GRID2: variants seen among roughly 807,000 people sequenced by gnomAD.
GRID2 encodes glutamate receptor ionotropic, delta-2.
A neutral mutation model predicts 114.8 loss-of-function variants in GRID2; 33 were observed. That is an observed-to-expected ratio of 0.29 (90% CI 0.22 to 0.38). GRID2 has a LOEUF of 0.38. Ranked by LOEUF, GRID2 falls within the 10% of genes least tolerant of loss-of-function variation. The pLI, the probability that GRID2 is intolerant of heterozygous loss-of-function variation, is 1.00. For missense variants in GRID2, 1,184 were observed against 1,257.7 expected (o/e 0.94, Z 0.89); for synonymous variants, 505 against 449.9 (o/e 1.12, Z -1.55).
chr4:92,944,994 G>T (rs1560730606), intron 2 of GRID2, among the ~76,000 whole-genome samples: 3 of 152,200 alleles, frequency 2.0e-5, no homozygotes, highest in South Asian at 4.1e-4. Flanking sequence ...TGAAACCTGT[G>T]AATAATTGCT....
intron 2 of GRID2, among the ~76,000 whole-genome samples, chr4:93,078,267 A>G (rs753683265): frequency 1.3e-5 from 2 of 152,232 alleles, no homozygotes; most frequent in East Asian, 1.9e-4. Flanking sequence ...TTGCAGCTCT[A>G]TAGTCACTTC....
intron 2 of GRID2, among the ~76,000 whole-genome samples, chr4:93,053,620 G>T (rs1355616043): frequency 6.6e-6 from 1 of 151,952 alleles, no homozygotes; most frequent in South Asian, 2.1e-4. Context: ...AGAAAAATTG[G>T]TGTTAAGAGT....
At chr4:92,793,803 A>G (rs1474338052) in intron 2 of GRID2, among the ~76,000 whole-genome samples, 1 of 151,904 alleles carries the variant, frequency 6.6e-6, no homozygotes, top group East Asian at 1.9e-4. Flanking sequence ...ATGAAAGGAC[A>G]GAACACAAAC....
chr4:92,540,226 A>G (rs1312094742), intron 1 of GRID2, among the ~76,000 whole-genome samples: 1 of 152,206 alleles, frequency 6.6e-6, no homozygotes, highest in Admixed American at 6.5e-5. Flanking sequence ...CATTCAGGAC[A>G]TAGGCATAGG....
intron 14 of GRID2, among the ~76,000 whole-genome samples, chr4:93,680,054 G>C (rs1338847009): frequency 6.6e-6 from 1 of 151,140 alleles, no homozygotes; most frequent in Non-Finnish European, 1.5e-5. Context: ...GAAAAAAAGA[G>C]AGAAGAATCA....
intron 2 of GRID2, among the ~76,000 whole-genome samples, chr4:92,979,205 A>G (rs955532881): frequency 1.3e-5 from 2 of 152,056 alleles, no homozygotes; most frequent in Admixed American, 1.3e-4. Flanking sequence ...ATATGTCATT[A>G]TTAATTGAAT....
At chr4:93,072,643 T>A (rs939647905) in intron 2 of GRID2, among the ~76,000 whole-genome samples, 1 of 151,450 alleles carries the variant, frequency 6.6e-6, no homozygotes, top group Non-Finnish European at 1.5e-5. Flanking sequence ...CTTGGAGGTT[T>A]GCAACTATTT....
intron 2 of GRID2, among the ~76,000 whole-genome samples, chr4:92,667,947 G>A (rs1208889457): frequency 1.3e-5 from 2 of 151,720 alleles, no homozygotes; most frequent in African/African-American, 2.4e-5. Flanking sequence ...TTTTCTAAAT[G>A]TACTCCTTGT....
intron 2 of GRID2, among the ~76,000 whole-genome samples, chr4:92,922,263 G>C (rs937439943): frequency 1.3e-5 from 2 of 152,158 alleles, no homozygotes; most frequent in South Asian, 2.1e-4. Context: ...CTTTGACTAG[G>C]AAAGGGAATT....
chr4:93,743,449 A>G (rs1002212996), intron 14 of GRID2, among the ~76,000 whole-genome samples: 8 of 152,214 alleles, frequency 5.3e-5, no homozygotes, highest in African/African-American at 1.9e-4. Flanking sequence ...TTGCTTTGCT[A>G]TAAAGAAATA....
chr4:93,554,540 G>A (rs1734115140), intron 13 of GRID2, among the ~76,000 whole-genome samples: 1 of 151,988 alleles, frequency 6.6e-6, no homozygotes, highest in Non-Finnish European at 1.5e-5. Context: ...ATGAAATCAG[G>A]GCAATTGGTG....
chr4:92,921,666 T>C (rs1578479685), intron 2 of GRID2, among the ~76,000 whole-genome samples: 4 of 152,246 alleles, frequency 2.6e-5, no homozygotes, highest in East Asian at 1.9e-4. Flanking sequence ...ACAGCGGCTA[T>C]TGGTGAACAG....
At chr4:92,324,916 G>C (rs1053530714) in intron 1 of GRID2, among the ~76,000 whole-genome samples, 1 of 151,806 alleles carries the variant, frequency 6.6e-6, no homozygotes. Flanking sequence ...GTGGAAATCA[G>C]AGTTCAAAAT....
intron 1 of GRID2, among the ~76,000 whole-genome samples, chr4:92,418,519 T>G (rs1228462982): frequency 6.6e-6 from 1 of 151,950 alleles, no homozygotes; most frequent in Non-Finnish European, 1.5e-5. Flanking sequence ...TAGAAGTAGA[T>G]GAGTGGGCAA....
chr4:93,210,404 T>C (rs943963201), intron 5 of GRID2, among the ~76,000 whole-genome samples: 18 of 152,274 alleles, frequency 1.2e-4, no homozygotes, highest in African/African-American at 4.3e-4. Context: ...GTTGCAGGTA[T>C]GCAGCCTTAT....
chr4:93,370,876 A>G (rs879910462), intron 8 of GRID2, among the ~76,000 whole-genome samples: 12 of 152,178 alleles, frequency 7.9e-5, no homozygotes, highest in South Asian at 2.1e-4. Flanking sequence ...TTCTTGACAC[A>G]TAGCAAATGC....
chr4:93,568,681 T>G (rs1169377496), intron 13 of GRID2, among the ~76,000 whole-genome samples: 4 of 152,228 alleles, frequency 2.6e-5, no homozygotes, highest in African/African-American at 9.6e-5. Context: ...GTTTGCATCA[T>G]TTCATTTAAT....
chr4:92,732,978 A>C (rs995733447), intron 2 of GRID2, among the ~76,000 whole-genome samples: 2 of 152,088 alleles, frequency 1.3e-5, no homozygotes, highest in Non-Finnish European at 2.9e-5. Flanking sequence ...CTTTATGATT[A>C]ATTATATGTA....
chr4:92,403,648 C>T (rs555109126), intron 1 of GRID2, among the ~76,000 whole-genome samples: 31 of 151,086 alleles, frequency 2.1e-4, no homozygotes, highest in Admixed American at 2.6e-4. Context: ...GCAGAGATTG[C>T]GCCACTGTAC....
Sources: allele counts gnomAD v4.1 joint callset (sites outside exome capture counted in the v4.1 genomes callset), GRCh38; gene constraint gnomAD v4.1.1; transcripts MANE v1.5; gene names NCBI Gene and HGNC (gene_info 2026-07-23, HGNC 2026-07-21).